The following NAALADL2 variants were observed in gnomAD, a reference collection of about 807,000 sequenced individuals.
The protein encoded by NAALADL2 is N-acetylated alpha-linked acidic dipeptidase like 2, also known as inactive N-acetylated-alpha-linked acidic dipeptidase-like protein 2.
In NAALADL2, 76 loss-of-function variants were observed where a neutral mutation model predicts 87.2. The ratio of observed to expected loss-of-function variants is 0.87; its 90% CI spans 0.72 to 1.05. NAALADL2 has a LOEUF of 1.05. NAALADL2 is among the 50% of genes least tolerant of loss of function. NAALADL2 has a pLI of 0.00. For missense variants in NAALADL2, 1,089 were observed against 945.8 expected, an observed-to-expected ratio of 1.15 and a Z score of -1.99; for synonymous variants, 354 against 331.0, an observed-to-expected ratio of 1.07 and a Z score of -0.75.
At chr3:175,778,514 A>C (rs954717718) in intron 13 of NAALADL2, among the ~76,000 whole-genome samples, 2 of 152,206 alleles carry the variant, frequency 1.3e-5, no homozygotes, top group African/African-American at 4.8e-5. Flanking sequence ...CTGTGTTACT[A>C]AGGACAAAGT....
intron 2 of NAALADL2, among the ~76,000 whole-genome samples, chr3:174,607,564 C>A (rs926124708): frequency 5.3e-5 from 8 of 150,170 alleles, no homozygotes; most frequent in Non-Finnish European, 8.9e-5. Context: ...TCAAAAGAGA[C>A]AAAGAAGGCC....
intron 12 of NAALADL2, among the ~76,000 whole-genome samples, chr3:175,749,387 T>TTA (rs1421558107): frequency 6.6e-6 from 1 of 152,148 alleles, no homozygotes; most frequent in Non-Finnish European, 1.5e-5. Flanking sequence ...ACTGGGTAAT[T>TTA]TATAAAGAAC....
intron 1 of NAALADL2, among the ~76,000 whole-genome samples, chr3:175,096,479 TC>T (rs1721170358): frequency 6.7e-6 from 1 of 149,478 alleles, no homozygotes; most frequent in Admixed American, 6.8e-5. Context: ...CTCCTGAGCT[TC>T]AAAGATTAAT....
At chr3:174,904,259 G>C (rs1244251759) in intron 1 of NAALADL2, among the ~76,000 whole-genome samples, 1 of 151,786 alleles carries the variant, frequency 6.6e-6, no homozygotes, top group African/African-American at 2.4e-5. Flanking sequence ...GAATAATTAT[G>C]ATAATGTTAA....
chr3:174,756,491 T>TA (rs979323246), intron 3 of NAALADL2, among the ~76,000 whole-genome samples: 1 of 152,216 alleles, frequency 6.6e-6, no homozygotes, highest in African/African-American at 2.4e-5. Context: ...ATAATGGCTT[T>TA]AAAAAAATTT....
chr3:175,216,596 G>A (rs1043671226), intron 2 of NAALADL2, among the ~76,000 whole-genome samples: 1 of 151,096 alleles, frequency 6.6e-6, no homozygotes, highest in East Asian at 1.9e-4. Flanking sequence ...CTCTTGCCCT[G>A]TCTCAAATAG....
In NAALADL2 at chr3:174,626,732, T is replaced by C. The variant is rs139498046; in HGVS notation, c.-115+76095T>C. Among the ~76,000 whole-genome samples the C allele has an allele frequency of 7.8e-3, 1,188 of 152,090 alleles. 16 individuals are homozygous for C. Among genetic ancestry groups the C allele is most frequent in the African/African-American group, 0.027 (1,123 of 41,548 alleles). On this transcript the variant is annotated intron_variant, in intron 2 of 3. Transcript: ENST00000434257. ...TGTATTTTAAAGTTTTATTTTCCAGTAAAATTTTTGATCTCTCTAGAATTT... is the reference window on the plus strand; with the variant it reads ...TGTATTTTAAAGTTTTATTTTCCAGCAAAATTTTTGATCTCTCTAGAATTT...
intron 2 of NAALADL2, among the ~76,000 whole-genome samples, chr3:174,620,659 A>G (rs1180202152): frequency 6.6e-6 from 1 of 152,052 alleles, no homozygotes; most frequent in African/African-American, 2.4e-5. Flanking sequence ...AGAACCCTTA[A>G]ACAAAACTGA....
At chr3:174,568,731 A>ATATTTT (rs1466138246) in intron 2 of NAALADL2, among the ~76,000 whole-genome samples, 1 of 151,720 alleles carries the variant, frequency 6.6e-6, no homozygotes, top group Non-Finnish European at 1.5e-5. Context: ...GGAGGAACCA[A>ATATTTT]TATTTTTATT....
intron 1 of NAALADL2, among the ~76,000 whole-genome samples, chr3:174,881,844 T>A (rs1026287129): frequency 1.3e-5 from 2 of 152,166 alleles, no homozygotes; most frequent in African/African-American, 4.8e-5. Flanking sequence ...AAATGCAATT[T>A]CAAAGAGAGA....
chr3:174,677,106 T>C (rs1258628982), intron 2 of NAALADL2, among the ~76,000 whole-genome samples: 1 of 151,986 alleles, frequency 6.6e-6, no homozygotes, highest in African/African-American at 2.4e-5. Flanking sequence ...TACTAACCTC[T>C]ATCATATCTA....
intron 3 of NAALADL2, among the ~76,000 whole-genome samples, chr3:174,811,588 C>T (rs1023302699): frequency 2.0e-5 from 3 of 152,112 alleles, no homozygotes; most frequent in Non-Finnish European, 2.9e-5. Context: ...TTAGGAGTAA[C>T]TAAATTGTTT....
intron 1 of NAALADL2, among the ~76,000 whole-genome samples, chr3:174,989,360 C>G (rs1171933242): frequency 6.6e-6 from 1 of 152,168 alleles, no homozygotes; most frequent in African/African-American, 2.4e-5. Flanking sequence ...ATTTTTCTGG[C>G]TCCACACTTT....
chr3:175,505,109 G>C (rs535983567), intron 9 of NAALADL2, among the ~76,000 whole-genome samples: 1 of 151,968 alleles, frequency 6.6e-6, no homozygotes, highest in African/African-American at 2.4e-5. Context: ...CTCCTATTAT[G>C]CTGAGACTAC....
At chr3:174,573,288 G>C (rs959975980) in intron 2 of NAALADL2, among the ~76,000 whole-genome samples, 11 of 152,038 alleles carry the variant, frequency 7.2e-5, no homozygotes, top group African/African-American at 2.7e-4. Context: ...AATTTTTAGA[G>C]ATATGGTCTT....
chr3:174,831,140 C>A (rs1049730551), intron 3 of NAALADL2, among the ~76,000 whole-genome samples: 2 of 151,990 alleles, frequency 1.3e-5, no homozygotes, highest in African/African-American at 4.8e-5. Flanking sequence ...ACTTCCAACA[C>A]TATGTTGAAT....
At chr3:174,927,660 T>C (rs1041099993) in intron 1 of NAALADL2, among the ~76,000 whole-genome samples, 1 of 152,046 alleles carries the variant, frequency 6.6e-6, no homozygotes, top group Non-Finnish European at 1.5e-5. Context: ...TTGAAACCAA[T>C]GAGAACAAAG....
intron 12 of NAALADL2, among the ~76,000 whole-genome samples, chr3:175,750,481 C>T (rs539056674): frequency 1.2e-4 from 19 of 152,158 alleles, no homozygotes; most frequent in African/African-American, 4.3e-4. Context: ...ATATCCAGCT[C>T]CATTCTTTCC....
intron 1 of NAALADL2, among the ~76,000 whole-genome samples, chr3:174,546,721 G>A (rs901582151): frequency 3.3e-4 from 50 of 152,080 alleles, no homozygotes; most frequent in Admixed American, 2.9e-3. Context: ...GCAGTGGAGC[G>A]ATCTTGGCTT....
Sources: allele counts gnomAD v4.1 joint callset (sites outside exome capture counted in the v4.1 genomes callset), GRCh38; gene constraint gnomAD v4.1.1; transcripts MANE v1.5; gene names NCBI Gene and HGNC (gene_info 2026-07-23, HGNC 2026-07-21).